Variants in DTD1 observed in about 807,000 individuals in gnomAD.
DTD1 encodes D-tyrosyl-tRNA deacylase 1 homolog.
A neutral mutation model predicts 25.6 loss-of-function variants in DTD1; 13 were observed. The ratio of observed to expected loss-of-function variants is 0.51; its 90% CI spans 0.33 to 0.81. The LOEUF is 0.81. Ranked by LOEUF, DTD1 falls within the 30% of genes least tolerant of loss-of-function variation. The pLI, the probability that DTD1 is intolerant of heterozygous loss-of-function variation, is 0.02. For synonymous variants in DTD1, 110 were observed against 103.6 expected, an observed-to-expected ratio of 1.06 and a Z score of -0.37; for missense variants, 193 against 266.4, an observed-to-expected ratio of 0.72 and a Z score of 1.92.
intron 4 of DTD1, among the ~76,000 whole-genome samples, chr20:18,708,255 T>TATATATA (rs1568676794): frequency 0.01 from 356 of 35,378 alleles, 8 homozygotes; most frequent in Non-Finnish European, 0.015. Context: ...ATATATATTA[T>TATATATA]ATATATATTT....
At chr20:18,662,390 G>A (rs558022748) in intron 4 of DTD1, among the ~76,000 whole-genome samples, 1 of 152,284 alleles carries the variant, frequency 6.6e-6, no homozygotes, top group Admixed American at 6.5e-5. Flanking sequence ...TAAAGTTCTG[G>A]AATTACAGGT....
chr20:18,697,585 A>C (rs1215798837), intron 4 of DTD1, among the ~76,000 whole-genome samples: 1 of 152,248 alleles, frequency 6.6e-6, no homozygotes, highest in Non-Finnish European at 1.5e-5. Flanking sequence ...ATTCACTTTG[A>C]GTACAACCTT....
intron 4 of DTD1, among the ~76,000 whole-genome samples, chr20:18,662,968 T>C (rs2060917226): frequency 6.6e-6 from 1 of 152,106 alleles, no homozygotes; most frequent in Non-Finnish European, 1.5e-5. Flanking sequence ...GGAATGAGGG[T>C]CCAGGGCCTG....
In DTD1 at chr20:18,714,499, A is replaced by G. The variant is rs146582583; in HGVS notation, c.478-29601A>G. On this transcript the variant is annotated intron_variant, in intron 4 of 5. Transcript: ENST00000377452. Reference sequence around the variant, plus strand: ...TTCATTGACTCTACTCTTCACAGGTAGAGGAGACTAGTTAGGATAAGTAGT... The same window carrying G: ...TTCATTGACTCTACTCTTCACAGGTGGAGGAGACTAGTTAGGATAAGTAGT... 5.4e-3 allele frequency among the ~76,000 whole-genome samples: 822 copies of G among 152,306 alleles called. 12 individuals are homozygous for G. The highest frequency in any genetic ancestry group is 0.019 in the African/African-American group (779 of 41,580).
intron 4 of DTD1, among the ~76,000 whole-genome samples, chr20:18,721,954 C>G (rs536421741): frequency 6.6e-6 from 1 of 152,144 alleles, no homozygotes; most frequent in Admixed American, 6.5e-5. Flanking sequence ...CTCTTCAGGC[C>G]GCTCCCCAGA....
chr20:18,699,623 A>G (rs2061094942), intron 4 of DTD1, among the ~76,000 whole-genome samples: 2 of 152,146 alleles, frequency 1.3e-5, no homozygotes, highest in Admixed American at 1.3e-4. Context: ...GAGCCAGGGA[A>G]GTACCTCAGT....
intron 4 of DTD1, among the ~76,000 whole-genome samples, chr20:18,633,663 C>T (rs377076587): frequency 2.0e-5 from 3 of 152,262 alleles, no homozygotes; most frequent in Non-Finnish European, 1.5e-5. Context: ...CCCAGGGGAC[C>T]GGAGGTTTTA....
chr20:18,653,123 C>T (rs2060879951), intron 4 of DTD1, among the ~76,000 whole-genome samples: 1 of 152,096 alleles, frequency 6.6e-6, no homozygotes. Context: ...AAGAACAGGC[C>T]AGGCACAGTG....
intron 4 of DTD1, among the ~76,000 whole-genome samples, chr20:18,670,625 T>C (rs1031286680): frequency 2.0e-5 from 3 of 152,224 alleles, no homozygotes; most frequent in Non-Finnish European, 4.4e-5. Context: ...TGCTTTTGAT[T>C]AGAGTTCTAA....
At chr20:18,653,431 A>G (rs1379283140) in intron 4 of DTD1, among the ~76,000 whole-genome samples, 1 of 152,230 alleles carries the variant, frequency 6.6e-6, no homozygotes, top group Non-Finnish European at 1.5e-5. Context: ...GCTGTCTTTG[A>G]ACTCAAATAT....
chr20:18,691,028 A>G (rs1005822625), intron 4 of DTD1, among the ~76,000 whole-genome samples: 1 of 152,200 alleles, frequency 6.6e-6, no homozygotes, highest in African/African-American at 2.4e-5. Flanking sequence ...GTTGTCACTA[A>G]TCATCAGATA....
intron 4 of DTD1, among the ~76,000 whole-genome samples, chr20:18,633,345 C>T (rs1303057873): frequency 2.0e-5 from 3 of 152,180 alleles, no homozygotes; most frequent in Non-Finnish European, 4.4e-5. Flanking sequence ...AGGGTCTCCC[C>T]CTCCTTCTCC....
At position 18,749,149 on chromosome 20, in the gene DTD1, C is replaced by T. The variant is rs2061312132; in HGVS notation, c.*19+4878C>T. On this transcript the variant is annotated intron_variant, in intron 5 of 5. Transcript: ENST00000377452. This position sits in a 1 kb window ranked among gnomAD's most constrained non-coding sequence, Gnocchi z 4.2. ...CCCCTGGCATGTTCTGGCTGTGCTC[C>T]AGGCTGGGATCCTTGGAGTGGGGGA... Among the ~76,000 whole-genome samples, 2 of 152,138 alleles carry T rather than the reference C, an allele frequency of 1.3e-5. No individual in the cohort carries two copies. Among genetic ancestry groups the T allele is most frequent in the South Asian group, 4.1e-4 (2 of 4,826 alleles).
chr20:18,601,498 CAAA>C (rs1175102426), intron 3 of DTD1, among the ~76,000 whole-genome samples: 12 of 110,594 alleles, frequency 1.1e-4, no homozygotes, highest in African/African-American at 3.2e-4. Flanking sequence ...GACTCTGTCT[CAAA>C]AAAAAAAAAA....
chr20:18,690,730 G>T (rs1377757805), intron 4 of DTD1, among the ~76,000 whole-genome samples: 1 of 151,042 alleles, frequency 6.6e-6, no homozygotes, highest in African/African-American at 2.5e-5. Flanking sequence ...GTATCATGCT[G>T]TTTTGGTTAC....
At chr20:18,690,531 G>A (rs1447273857) in intron 4 of DTD1, among the ~76,000 whole-genome samples, 2 of 152,186 alleles carry the variant, frequency 1.3e-5, no homozygotes, top group African/African-American at 2.4e-5. Flanking sequence ...ATGGTGAAAG[G>A]TAGGGGTCCA....
chr20:18,751,917 TCA>T (rs2061323000), intron 5 of DTD1, among the ~76,000 whole-genome samples: 1 of 151,592 alleles, frequency 6.6e-6, no homozygotes, highest in African/African-American at 2.4e-5. Flanking sequence ...CCTAGGAGCC[TCA>T]CAGCCCTAGA....
intron 4 of DTD1, among the ~76,000 whole-genome samples, chr20:18,653,285 T>C (rs2060880528): frequency 6.6e-6 from 1 of 152,112 alleles, no homozygotes; most frequent in Non-Finnish European, 1.5e-5. Flanking sequence ...TCTCAGCTGC[T>C]TGGGAGGCTG....
At chr20:18,648,407 A>G (rs2060858286) in intron 4 of DTD1, among the ~76,000 whole-genome samples, 1 of 152,126 alleles carries the variant, frequency 6.6e-6, no homozygotes, top group Non-Finnish European at 1.5e-5. Flanking sequence ...TTTGGGAGCA[A>G]TGATCTGGGA....
Sources: allele counts gnomAD v4.1 joint callset (sites outside exome capture counted in the v4.1 genomes callset), GRCh38; gene constraint gnomAD v4.1.1; non-coding constraint Gnocchi (gnomAD v3.1); transcripts MANE v1.5; gene names NCBI Gene and HGNC (gene_info 2026-07-23, HGNC 2026-07-21).